Variants in CALD1 observed in about 807,000 individuals in gnomAD.
The protein encoded by CALD1 is caldesmon 1, also known as caldesmon.
Under a neutral mutation model 99.9 loss-of-function variants are expected in CALD1, and 33 were observed. That is an observed-to-expected ratio of 0.33 (90% CI 0.25 to 0.44). CALD1 has a LOEUF of 0.44. Among genes scored for constraint, CALD1 ranks in the 20% least tolerant of loss-of-function variants. The probability of loss-of-function intolerance (pLI) is 1.00; values close to 1 mark genes in which losing one functional copy is unlikely to be tolerated. For missense variants in CALD1, 861 were observed against 962.1 expected (o/e 0.89, Z 1.39); for synonymous variants, 310 against 325.0 (o/e 0.95, Z 0.50).
At chr7:134,847,242 CTTCTT>C (rs1320211027) in intron 2 of CALD1, among the ~76,000 whole-genome samples, 1 of 152,130 alleles carries the variant, frequency 6.6e-6, no homozygotes, top group African/African-American at 2.4e-5. Flanking sequence ...TTATTTTCTT[CTTCTT>C]TTCTTGAGTT....
intron 3 of CALD1, among the ~76,000 whole-genome samples, chr7:134,879,880 A>G (rs1488941936): frequency 6.6e-6 from 1 of 152,220 alleles, no homozygotes; most frequent in Non-Finnish European, 1.5e-5. Flanking sequence ...AACTCCCTAC[A>G]TCACATACAG....
intron 1 of CALD1, among the ~76,000 whole-genome samples, chr7:134,755,002 T>TATTA (rs199880606): frequency 6.6e-6 from 1 of 151,656 alleles, no homozygotes; most frequent in African/African-American, 2.4e-5. Flanking sequence ...TTACTTTTTT[T>TATTA]TTATTATTAT....
At chr7:134,953,056 C>T (rs1489774456) in intron 9 of CALD1, among the ~76,000 whole-genome samples, 2 of 152,074 alleles carry the variant, frequency 1.3e-5, no homozygotes, top group Non-Finnish European at 2.9e-5. Flanking sequence ...TAGAGAAAGG[C>T]CTTGTGGAGT....
chr7:134,785,441 TAAAAAC>T (rs1249823479), intron 1 of CALD1, among the ~76,000 whole-genome samples: 1 of 152,186 alleles, frequency 6.6e-6, no homozygotes, highest in Non-Finnish European at 1.5e-5. Context: ...TTTTAATAAA[TAAAAAC>T]AAGCACAACT....
upstream of CALD1, among the ~76,000 whole-genome samples, chr7:134,739,433 G>A (rs1052467795): frequency 2.6e-5 from 4 of 152,184 alleles, no homozygotes; most frequent in Admixed American, 2.6e-4. Context: ...TAGCATGTGA[G>A]TCCCACCTAA....
chr7:134,947,585 A>G lies in CALD1; in HGVS notation c.1610A>G (p.Glu537Gly). 2.6e-6 allele frequency: 4 copies of G among 1,561,670 alleles called. No individual in the cohort carries two copies. The highest frequency in any genetic ancestry group is 3.5e-6 in the Non-Finnish European group (4 of 1,152,560). ...APQVEAGKRL[E>G]ELRRRRGETE... ...CAGGTGGAAGCCGGCAAAAGGCTGG[A>G]GGAGCTTCGTCGTCGTCGCGGGGAG... Residue 537 changes from glutamate to glycine, a missense_variant, in exon 8 of 15, where the codon GAG becomes GGG. This residue lies in a region of CALD1 where 293 missense variants were observed against 262.7 expected (regional missense o/e 1.12). Coordinates refer to ENST00000361675, the MANE Select transcript of CALD1 (RefSeq NM_033138.4).
Position 134,761,912 on chromosome 7 carries a change from A to G in CALD1, c.-130+17549A>G, listed in dbSNP as rs1796781947. Among the ~76,000 whole-genome samples the G allele has an allele frequency of 3.9e-5, 6 of 152,176 alleles. No individual in the cohort carries two copies. The South Asian group carries it at 1.2e-3, about 32-fold the overall frequency. ...ATCAGGTCTTTGCAGCTTATAAACC[A>G]TCTTAAAAGGGTAGTATTTAGCAGG... On this transcript the variant is annotated intron_variant, in intron 1 of 13. Transcript: ENST00000417172.
At chr7:134,901,245 T>C (rs1042854133) in intron 3 of CALD1, among the ~76,000 whole-genome samples, 1 of 151,878 alleles carries the variant, frequency 6.6e-6, no homozygotes, top group Non-Finnish European at 1.5e-5. Flanking sequence ...ATTAAGACTA[T>C]TGACGTCAAA....
chr7:134,861,803 A>C (rs552912732), intron 2 of CALD1, among the ~76,000 whole-genome samples: 1 of 152,224 alleles, frequency 6.6e-6, no homozygotes, highest in Non-Finnish European at 1.5e-5. Context: ...GACCTGTCTA[A>C]TAATGGTTTT....
intron 13 of CALD1, among the ~76,000 whole-genome samples, chr7:134,964,993 G>A (rs1240990614): frequency 1.3e-5 from 2 of 152,134 alleles, no homozygotes; most frequent in Non-Finnish European, 2.9e-5. Flanking sequence ...GCACACGCCT[G>A]TAATCCCAGC....
At chr7:134,849,613 T>C (rs924706403) in intron 2 of CALD1, among the ~76,000 whole-genome samples, 2 of 152,244 alleles carry the variant, frequency 1.3e-5, no homozygotes, top group Admixed American at 6.5e-5. Flanking sequence ...GTTGGTTTTT[T>C]TTAAAAATAT....
chr7:134,733,065 T>C, the CALD1 span, among the ~76,000 whole-genome samples: 399 of 152,318 alleles, frequency 2.6e-3, 3 homozygotes, highest in African/African-American at 8.9e-3. Context: ...TGCAGGGGCC[T>C]CCAATAAATT....
intron 2 of CALD1, among the ~76,000 whole-genome samples, chr7:134,855,942 T>C (rs1355284583): frequency 2.0e-5 from 3 of 152,234 alleles, no homozygotes; most frequent in Non-Finnish European, 4.4e-5. Flanking sequence ...TTCCATTTTC[T>C]TTGTAGATAT....
intron 7 of CALD1, among the ~76,000 whole-genome samples, chr7:134,947,211 T>A (rs1806950167): frequency 6.6e-6 from 1 of 151,960 alleles, no homozygotes; most frequent in African/African-American, 2.4e-5. Context: ...AGTTCTCTTG[T>A]TGATTTTTTG....
At chr7:134,835,287 G>A (rs956946372) in intron 1 of CALD1, among the ~76,000 whole-genome samples, 2 of 152,188 alleles carry the variant, frequency 1.3e-5, no homozygotes, top group Admixed American at 6.5e-5. Flanking sequence ...TTCATGCTTG[G>A]CACCGACTGA....
chr7:134,917,574 T>C (rs1168862149), intron 3 of CALD1, among the ~76,000 whole-genome samples: 2 of 152,152 alleles, frequency 1.3e-5, no homozygotes, highest in Non-Finnish European at 2.9e-5. Context: ...GGTCTCGAAC[T>C]CCTGACCTCA....
intron 3 of CALD1, among the ~76,000 whole-genome samples, chr7:134,910,259 T>C (rs1369611836): frequency 1.3e-5 from 2 of 152,170 alleles, no homozygotes; most frequent in Non-Finnish European, 2.9e-5. Context: ...AACTCCAAAA[T>C]TGAATGTAAA....
Position 134,941,256 on chromosome 7 carries a change from T to C in CALD1, c.1532+19T>C. 6.4e-7 allele frequency: 1 copy of C among 1,570,548 alleles called. No homozygotes were observed. Among genetic ancestry groups the C allele is most frequent in the Non-Finnish European group, 8.6e-7 (1 of 1,163,136 alleles). On this transcript the variant is annotated intron_variant, in intron 7 of 14. Transcript: ENST00000361675. ...CTTTCAGGTAAGAAGTAGCAACTAG[T>C]TAATAGAAACTGTGTTCACATGCAA... is the stretch of plus-strand genomic sequence containing the variant.
At position 134,801,775 on chromosome 7, in the gene CALD1, C is replaced by T. The variant is rs142231496; in HGVS notation, c.-130+22026C>T. ...CTGGGACTACAGGCACTCACCACTACGCCTGCTAAATTCGTGTATTTTTTT... is the reference window on the plus strand; with the variant it reads ...CTGGGACTACAGGCACTCACCACTATGCCTGCTAAATTCGTGTATTTTTTT... On this transcript the variant is annotated intron_variant, in intron 1 of 14. Transcript: ENST00000361675. Among the ~76,000 whole-genome samples, 1,150 of 138,006 alleles carry T rather than the reference C, an allele frequency of 8.3e-3. 19 individuals are homozygous for T. The highest frequency in any genetic ancestry group is 0.03 in the African/African-American group (1,078 of 36,454). 90.5% of individuals were successfully genotyped at this position (138,006 alleles called of 152,430 possible). A position where few individuals can be genotyped will look rare whatever the true frequency, so the allele number is the denominator to read the frequency against.
Sources: gnomAD v4.1 joint callset for allele counts (sites outside exome capture counted in the v4.1 genomes callset) on GRCh38, gnomAD v4.1.1 for gene constraint, gnomAD v4.1.1 regional missense constraint, MANE v1.5 for transcripts, NCBI Gene and HGNC (gene_info 2026-07-23, HGNC 2026-07-21) for gene names.